DOCK4: variants seen among roughly 807,000 people sequenced by gnomAD.
DOCK4 encodes dedicator of cytokinesis 4, also known as dedicator of cytokinesis protein 4.
Under a neutral mutation model 268.1 loss-of-function variants are expected in DOCK4, and 97 were observed. That is an observed-to-expected ratio of 0.36 (90% CI 0.31 to 0.43). The LOEUF (loss-of-function observed/expected upper bound fraction) is 0.43. DOCK4 is among the 20% of genes least tolerant of loss of function. DOCK4 has a pLI of 1.00. For synonymous variants in DOCK4, 954 were observed against 887.2 expected (o/e 1.08, Z -1.34); for missense variants, 2,145 against 2,455.7 (o/e 0.87, Z 2.67).
intron 36 of DOCK4, among the ~76,000 whole-genome samples, chr7:111,770,222 C>CAA: frequency 1.7e-5 from 2 of 118,610 alleles, no homozygotes; most frequent in African/African-American, 6.8e-5. Context: ...TGAGTGAAGA[C>CAA]CAAAAAAAAA....
At chr7:112,149,943 A>G (rs973991427) in intron 1 of DOCK4, among the ~76,000 whole-genome samples, 1 of 152,166 alleles carries the variant, frequency 6.6e-6, no homozygotes, top group Non-Finnish European at 1.5e-5. Flanking sequence ...AGCTGCTGAC[A>G]TTTACTGAAC....
intron 42 of DOCK4, among the ~76,000 whole-genome samples, chr7:111,753,635 A>G (rs150115685): frequency 5.8e-4 from 88 of 152,336 alleles, no homozygotes; most frequent in Admixed American, 4.4e-3. Context: ...TGGTTTTCAG[A>G]TGCTGACATC....
intron 1 of DOCK4, among the ~76,000 whole-genome samples, chr7:112,104,024 A>T (rs1442382887): frequency 1.3e-5 from 2 of 152,112 alleles, no homozygotes; most frequent in African/African-American, 4.8e-5. Context: ...CTTCTGGGGG[A>T]CCACCTAGCA....
intron 30 of DOCK4, among the ~76,000 whole-genome samples, chr7:111,803,267 T>C (rs1004932347): frequency 1.7e-4 from 26 of 152,228 alleles, no homozygotes; most frequent in African/African-American, 6.0e-4. Context: ...TCTGCAAACC[T>C]GAACAGGCTC....
chr7:112,138,344 A>G (rs1162867556), intron 1 of DOCK4, among the ~76,000 whole-genome samples: 1 of 152,190 alleles, frequency 6.6e-6, no homozygotes, highest in Non-Finnish European at 1.5e-5. Context: ...AATGGACACA[A>G]TATGCTCTCA....
At chr7:111,755,058 T>G (rs1166439231) in intron 42 of DOCK4, among the ~76,000 whole-genome samples, 2 of 152,226 alleles carry the variant, frequency 1.3e-5, no homozygotes, top group Non-Finnish European at 2.9e-5. Context: ...CTCTTCAACA[T>G]CTTGCTATGT....
intron 26 of DOCK4, 101 bp downstream of exon 26, chr7:111,834,487 A>G (rs992909980): frequency 5.2e-5 from 47 of 903,776 alleles, no homozygotes; most frequent in East Asian, 2.8e-4. Flanking sequence ...CTTAATGGAA[A>G]CAGGTAAAGC....
At chr7:111,844,678 T>G in intron 25 of DOCK4, 85 bp downstream of exon 25, 1 of 1,473,498 alleles carries the variant, frequency 6.8e-7, no homozygotes, top group Non-Finnish European at 9.0e-7. Flanking sequence ...GGCCACATTT[T>G]CCAGATTATA....
intron 25 of DOCK4, among the ~76,000 whole-genome samples, chr7:111,841,783 C>G (rs1324766328): frequency 6.6e-6 from 1 of 152,114 alleles, no homozygotes; most frequent in Non-Finnish European, 1.5e-5. Flanking sequence ...CCCACCTCCA[C>G]CCACAGACCT....
At chr7:112,070,479 A>G (rs1224216850) in intron 1 of DOCK4, among the ~76,000 whole-genome samples, 3 of 152,174 alleles carry the variant, frequency 2.0e-5, no homozygotes, top group East Asian at 1.9e-4. Flanking sequence ...CACCAACCTA[A>G]TATTTCTCAG....
At chr7:112,113,544 C>T (rs773148247) in intron 1 of DOCK4, among the ~76,000 whole-genome samples, 5 of 151,770 alleles carry the variant, frequency 3.3e-5, no homozygotes, top group Non-Finnish European at 7.4e-5. Context: ...TCCAAAAATT[C>T]AATAAAGAAT....
At chr7:111,984,429 C>G (rs999303656) in intron 6 of DOCK4, 39 bp from the exon 7 acceptor site, 89 of 1,554,418 alleles carry the variant, frequency 5.7e-5, no homozygotes, top group Non-Finnish European at 7.3e-5. Context: ...GAAAAGTTAC[C>G]TCCATGAAAT....
intron 1 of DOCK4, among the ~76,000 whole-genome samples, chr7:112,123,592 T>A (rs1812944334): frequency 6.6e-6 from 1 of 152,182 alleles, no homozygotes; most frequent in South Asian, 2.1e-4. Flanking sequence ...AGAAACCTCT[T>A]AGCCCCTGCA....
rs1585915290 is a variant in DOCK4, at chr7:111,765,103, T to C, written c.4020+15A>G. 3 of 1,289,816 alleles carry C rather than the reference T, an allele frequency of 2.3e-6. No individual in the cohort carries two copies. The highest frequency in any genetic ancestry group is 2.7e-5 in the East Asian group (1 of 37,570). The allele number at this position is 1,289,816 out of a possible 1,614,324, so 79.9% of individuals were successfully genotyped here. ...ATGAGAGCTGTGAAAGCAAATTAAA[T>C]AGTATATTACTTACTCTTAAGAAAA... On this transcript the variant is annotated intron_variant, in intron 39 of 52. Transcript: ENST00000428084.
chr7:112,002,364 C>T (rs773474203), intron 2 of DOCK4, among the ~76,000 whole-genome samples: 2 of 152,166 alleles, frequency 1.3e-5, no homozygotes, highest in Non-Finnish European at 2.9e-5. Flanking sequence ...TTATACTATA[C>T]AGAAAAAGTC....
At chr7:111,731,565 TATC>T (rs1795085631) in intron 52 of DOCK4, among the ~76,000 whole-genome samples, 1 of 152,218 alleles carries the variant, frequency 6.6e-6, no homozygotes, top group African/African-American at 2.4e-5. Context: ...TATTATTCTT[TATC>T]TTCATGAGGG....
chr7:112,137,982 T>C (rs1814521903), intron 1 of DOCK4, among the ~76,000 whole-genome samples: 1 of 152,204 alleles, frequency 6.6e-6, no homozygotes, highest in Admixed American at 6.5e-5. Flanking sequence ...GCCATGATCA[T>C]AATCAATCAT....
rs573108993 is a variant in DOCK4, at chr7:111,764,679, T to A, written c.4020+439A>T. On this transcript the variant is annotated intron_variant, in intron 39 of 52. Coordinates refer to ENST00000428084, the MANE Select transcript of DOCK4 (RefSeq NM_001363540.2). ...GGGTCTCTTTGCTGGGTGACATTTA[T>A]CTTTTTACAAATTCATCAAAATGGC... Among the ~76,000 whole-genome samples, 6 of 152,278 alleles carry A rather than the reference T, an allele frequency of 3.9e-5. No individual in the cohort carries two copies. In the East Asian group the frequency reaches 1.2e-3, roughly 29 times the overall value.
At chr7:111,969,345 C>A (rs1301857640) in intron 8 of DOCK4, among the ~76,000 whole-genome samples, 1 of 150,210 alleles carries the variant, frequency 6.7e-6, no homozygotes, top group Non-Finnish European at 1.5e-5. Flanking sequence ...GTTGTGGCTT[C>A]TGAATGCTCA....
Sources: gnomAD v4.1 joint callset for allele counts (sites outside exome capture counted in the v4.1 genomes callset) on GRCh38, gnomAD v4.1.1 for gene constraint, MANE v1.5 for transcripts, NCBI Gene and HGNC (gene_info 2026-07-23, HGNC 2026-07-21) for gene names.